RABGAP1L: variants seen among roughly 807,000 people sequenced by gnomAD.
The protein encoded by RABGAP1L is rab GTPase-activating protein 1-like.
RABGAP1L carries 63 observed loss-of-function variants against 137.7 expected under a neutral mutation model. The observed-to-expected ratio is 0.46, with a 90% CI of 0.37 to 0.56. RABGAP1L has a LOEUF of 0.56. Among genes scored for constraint, RABGAP1L ranks in the 20% least tolerant of loss-of-function variants. The probability of loss-of-function intolerance (pLI) is 0.00; values close to 1 mark genes in which losing one functional copy is unlikely to be tolerated. For synonymous variants in RABGAP1L, 431 were observed against 433.7 expected (o/e 0.99, Z 0.08); for missense variants, 1,095 against 1,244.0 (o/e 0.88, Z 1.80).
chr1:174,656,191 T>C (rs1443814876), intron 14 of RABGAP1L, among the ~76,000 whole-genome samples: 1 of 152,214 alleles, frequency 6.6e-6, no homozygotes, highest in Non-Finnish European at 1.5e-5. Flanking sequence ...GCATAGTGGC[T>C]TACGCCTGTA....
intron 16 of RABGAP1L, 23 bp downstream of exon 16, chr1:174,699,673 T>C (rs746890573): frequency 2.5e-6 from 4 of 1,578,240 alleles, no homozygotes; most frequent in Admixed American, 3.4e-5. Flanking sequence ...TAGGAACTTT[T>C]ATCACTCAGG....
At chr1:174,339,358 G>GT (rs1203559130) in intron 11 of RABGAP1L, among the ~76,000 whole-genome samples, 1 of 152,136 alleles carries the variant, frequency 6.6e-6, no homozygotes, top group African/African-American at 2.4e-5. Flanking sequence ...CATTATACAG[G>GT]TGTGATGGCA....
At chr1:174,529,775 G>C (rs941939128) in intron 13 of RABGAP1L, among the ~76,000 whole-genome samples, 2 of 152,140 alleles carry the variant, frequency 1.3e-5, no homozygotes, top group African/African-American at 4.8e-5. Context: ...TTGGGTTGCT[G>C]CAATGGGATG....
intron 13 of RABGAP1L, among the ~76,000 whole-genome samples, chr1:174,520,367 C>T (rs1342588777): frequency 6.6e-6 from 1 of 152,204 alleles, no homozygotes; most frequent in Non-Finnish European, 1.5e-5. Context: ...TTGAGGAATT[C>T]ATTGTTCAGT....
intron 19 of RABGAP1L, among the ~76,000 whole-genome samples, chr1:174,953,387 T>C (rs1249653146): frequency 6.6e-6 from 1 of 152,066 alleles, no homozygotes; most frequent in East Asian, 1.9e-4. Flanking sequence ...GGCAAATGAG[T>C]AATTATTGTG....
At chr1:174,558,608 C>T (rs534369570) in intron 13 of RABGAP1L, among the ~76,000 whole-genome samples, 2 of 152,194 alleles carry the variant, frequency 1.3e-5, no homozygotes, top group Non-Finnish European at 2.9e-5. Context: ...TTTCAAGTTA[C>T]ATTTGGAGAT....
intron 13 of RABGAP1L, among the ~76,000 whole-genome samples, chr1:174,611,832 T>A (rs1671282616): frequency 6.6e-6 from 1 of 152,078 alleles, no homozygotes; most frequent in South Asian, 2.1e-4. Context: ...TGAATGGGAG[T>A]TCACTCATGA....
intron 1 of RABGAP1L, among the ~76,000 whole-genome samples, chr1:174,184,499 G>C (rs1463570592): frequency 2.0e-5 from 3 of 152,130 alleles, no homozygotes; most frequent in Non-Finnish European, 4.4e-5. Flanking sequence ...GTATTATTTT[G>C]CATCCCCACT....
At chr1:174,561,837 C>G (rs995105059) in intron 13 of RABGAP1L, among the ~76,000 whole-genome samples, 1 of 152,110 alleles carries the variant, frequency 6.6e-6, no homozygotes, top group Non-Finnish European at 1.5e-5. Flanking sequence ...TTCCTTACAC[C>G]TTATACAAAA....
chr1:174,523,336 G>A (rs532859200), intron 13 of RABGAP1L, among the ~76,000 whole-genome samples: 2 of 152,084 alleles, frequency 1.3e-5, no homozygotes, highest in South Asian at 4.2e-4. Context: ...TTGGAAGACA[G>A]CATTTGACTT....
intron 11 of RABGAP1L, among the ~76,000 whole-genome samples, chr1:174,335,522 G>GT (rs1681402039): frequency 6.6e-6 from 1 of 152,184 alleles, no homozygotes. Context: ...TTAGCAGAAA[G>GT]TTAAGTCCAC....
At chr1:174,541,666 C>T (rs1034561672) in intron 13 of RABGAP1L, among the ~76,000 whole-genome samples, 6 of 151,992 alleles carry the variant, frequency 3.9e-5, no homozygotes, top group Non-Finnish European at 2.9e-5. Context: ...GTCCCTGCTA[C>T]TCTGGAGGCT....
chr1:174,696,417 G>A (rs1305411499), intron 15 of RABGAP1L, among the ~76,000 whole-genome samples: 1 of 152,158 alleles, frequency 6.6e-6, no homozygotes, highest in African/African-American at 2.4e-5. Context: ...GGCTACCCCA[G>A]CTGGTGTTTC....
chr1:174,872,697 T>C (rs975732451), intron 19 of RABGAP1L, among the ~76,000 whole-genome samples: 49 of 152,128 alleles, frequency 3.2e-4, no homozygotes, highest in African/African-American at 1.1e-3. Context: ...CTTGCTACCA[T>C]GCCTGGCTGA....
chr1:174,625,231 C>G (rs1349976894), intron 13 of RABGAP1L, among the ~76,000 whole-genome samples: 1 of 152,114 alleles, frequency 6.6e-6, no homozygotes, highest in Non-Finnish European at 1.5e-5. Context: ...TGCTTAATGT[C>G]TTTCTTCCCT....
rs146523467 is a variant in RABGAP1L at position 174,660,928 on chromosome 1, C to T, written c.1825-22594C>T. Among the ~76,000 whole-genome samples, 5 of 152,244 alleles carry T rather than the reference C, an allele frequency of 3.3e-5. No homozygotes were observed. In the East Asian group the frequency reaches 7.7e-4, roughly 23 times the overall value. On this transcript the variant is annotated intron_variant, in intron 14 of 25. Transcript: ENST00000681986. ...TATATACATTATTTATTTATTATGG[C>T]CATTGTCTATCATCTTCCACTAGAA...
At chr1:174,217,664 G>T (rs1200252664) in intron 1 of RABGAP1L, among the ~76,000 whole-genome samples, 1 of 152,136 alleles carries the variant, frequency 6.6e-6, no homozygotes, top group African/African-American at 2.4e-5. Flanking sequence ...AACCTTCAGA[G>T]GACAGATGAA....
At chr1:174,521,443 T>G (rs1663385078) in intron 13 of RABGAP1L, among the ~76,000 whole-genome samples, 1 of 152,204 alleles carries the variant, frequency 6.6e-6, no homozygotes, top group Admixed American at 6.5e-5. Context: ...AGAATCAGAT[T>G]TTTTGCTTCA....
intron 19 of RABGAP1L, among the ~76,000 whole-genome samples, chr1:174,841,676 C>A (rs1693421815): frequency 6.6e-6 from 1 of 151,464 alleles, no homozygotes; most frequent in Non-Finnish European, 1.5e-5. Flanking sequence ...AGGGCATAAA[C>A]CAAGAAATAA....
Sources: gnomAD v4.1 joint callset for allele counts (sites outside exome capture counted in the v4.1 genomes callset) on GRCh38, gnomAD v4.1.1 for gene constraint, MANE v1.5 for transcripts, NCBI Gene and HGNC (gene_info 2026-07-23, HGNC 2026-07-21) for gene names.